The following KCTD18 variants were observed in gnomAD, a reference collection of about 807,000 sequenced individuals.
The protein encoded by KCTD18 is BTB/POZ domain-containing protein KCTD18.
In KCTD18, 22 loss-of-function variants were observed where a neutral mutation model predicts 30.4. The observed-to-expected ratio is 0.72, with a 90% CI of 0.52 to 1.03. The LOEUF (loss-of-function observed/expected upper bound fraction) is 1.03. KCTD18 is among the 50% of genes least tolerant of loss of function. The pLI, the probability that KCTD18 is intolerant of heterozygous loss-of-function variation, is 0.00. For synonymous variants in KCTD18, 186 were observed against 209.0 expected (o/e 0.89, Z 0.95); for missense variants, 529 against 547.6 (o/e 0.97, Z 0.34).
intron 3 of KCTD18, among the ~76,000 whole-genome samples, chr2:200,502,299 T>G (rs1050909903): frequency 6.6e-5 from 10 of 151,704 alleles, no homozygotes; most frequent in Admixed American, 6.6e-4. Context: ...AATAATAAAT[T>G]TAAAAAAAAG....
chr2:200,504,942 G>T lies in KCTD18; in HGVS notation c.178C>A (p.Arg60Ser), dbSNP rs146496679. 3.1e-6 allele frequency: 5 copies of T among 1,613,584 alleles called. No individual in the cohort carries two copies. In the South Asian group the frequency reaches 5.5e-5, roughly 18 times the overall value. ...TDESGACVID[R>S]DGRLFKYLLD... Reference sequence around the variant, plus strand: ...AGGTATTTAAATAGACGTCCATCACGGTCAATAACACAAGCCCCTAGAAAA... The same window carrying T: ...AGGTATTTAAATAGACGTCCATCACTGTCAATAACACAAGCCCCTAGAAAA... Residue 60 changes from arginine to serine, a missense_variant, in exon 3 of 7, where the codon CGT (arginine) becomes AGT (serine). By Grantham distance (110) the Arg-to-Ser change is moderately radical. Coordinates refer to ENST00000359878, the MANE Select transcript of KCTD18 (RefSeq NM_152387.4).
chr2:200,499,127 G>A, intron 3 of KCTD18, 43 bp from the exon 4 acceptor site: 4 of 1,417,764 alleles, frequency 2.8e-6, no homozygotes, highest in Non-Finnish European at 3.8e-6. Context: ...TAATTCTAGA[G>A]TAAAATAAAA....
intron 3 of KCTD18, among the ~76,000 whole-genome samples, chr2:200,500,812 C>T (rs1467382345): frequency 6.6e-6 from 1 of 152,006 alleles, no homozygotes; most frequent in Non-Finnish European, 1.5e-5. Context: ...AAAAAAGAGC[C>T]CGCATCGCCA....
chr2:200,504,705 A>C, intron 3 of KCTD18, 43 bp downstream of exon 3: 2 of 1,369,610 alleles, frequency 1.5e-6, no homozygotes, highest in Admixed American at 3.7e-5. Context: ...TGCTTTGTGC[A>C]TCATAAATAT....
At position 200,490,300 on chromosome 2, in the gene KCTD18, G is replaced by A; in HGVS notation, c.1081C>T (p.Pro361Ser). The A allele has an allele frequency of 6.2e-7, 1 of 1,614,262 alleles. No homozygotes were observed. Among genetic ancestry groups the A allele is most frequent in the Non-Finnish European group, 8.5e-7 (1 of 1,180,052 alleles). ...SAENGGTHLP[P>S]AKVLLSDKKP... is the part of the protein sequence containing the mutation. Reference sequence around the variant, plus strand: ...TTGTCGGAGAGTAGCACCTTAGCTGGAGGTAAGTGCGTGCCTCCATTTTCA... The same window carrying A: ...TTGTCGGAGAGTAGCACCTTAGCTGAAGGTAAGTGCGTGCCTCCATTTTCA... The change falls in exon 7 of 7, where the codon CCA (proline) becomes TCA (serine). Residue 361 changes from proline to serine, a missense_variant. Transcript: ENST00000359878.
intron 5 of KCTD18, among the ~76,000 whole-genome samples, chr2:200,495,450 TA>T (rs2087985025): frequency 1.3e-5 from 2 of 152,116 alleles, no homozygotes; most frequent in South Asian, 4.1e-4. Flanking sequence ...GTCCTTAAGA[TA>T]GATAAGATAG....
intron 5 of KCTD18, 63 bp downstream of exon 5, chr2:200,497,690 C>T: frequency 9.4e-7 from 1 of 1,068,224 alleles, no homozygotes; most frequent in Non-Finnish European, 1.5e-6. Context: ...AGTATTTGAG[C>T]TTACTTTGTC....
chr2:200,495,047 CT>C (rs11354501), intron 5 of KCTD18, among the ~76,000 whole-genome samples: 138,924 of 151,880 alleles, frequency 0.91, 64,192 homozygotes, highest in Non-Finnish European at 0.98. Flanking sequence ...TAAAAACTTT[CT>C]TTTTTTTTCC....
At chr2:200,506,450 A>G (rs773477136) in intron 2 of KCTD18, among the ~76,000 whole-genome samples, 4 of 152,222 alleles carry the variant, frequency 2.6e-5, no homozygotes, top group Non-Finnish European at 5.9e-5. Flanking sequence ...TAATTCTACA[A>G]TGACGATGGC....
chr2:200,507,362 C>G (rs977714895), intron 1 of KCTD18, among the ~76,000 whole-genome samples: 1 of 152,214 alleles, frequency 6.6e-6, no homozygotes, highest in Non-Finnish European at 1.5e-5. Context: ...CTCTGTCACA[C>G]AGCAAACAAA....
At chr2:200,501,583 T>C (rs1233397840) in intron 3 of KCTD18, among the ~76,000 whole-genome samples, 1 of 137,052 alleles carries the variant, frequency 7.3e-6, no homozygotes, top group Non-Finnish European at 1.6e-5. Flanking sequence ...AAAACCACCA[T>C]GAGATACCAT....
rs576873040 is a variant in KCTD18 at position 200,492,703 on chromosome 2, A to G, written c.764+469T>C. Among the ~76,000 whole-genome samples the G allele has an allele frequency of 8.5e-5, 13 of 152,388 alleles. No individual in the cohort carries two copies. The South Asian group carries it at 2.7e-3, about 32-fold the overall frequency. On this transcript the variant is annotated intron_variant, in intron 6 of 6. Coordinates refer to ENST00000359878, the MANE Select transcript of KCTD18 (RefSeq NM_152387.4). ...CAGTGAAAGACACAGCTGTGGAGTG[A>G]ATTTAATGCTAATAATTTCATGGAA... is the stretch of plus-strand genomic sequence containing the variant.
At chr2:200,494,696 T>C (rs2087971321) in intron 5 of KCTD18, among the ~76,000 whole-genome samples, 1 of 152,206 alleles carries the variant, frequency 6.6e-6, no homozygotes, top group South Asian at 2.1e-4. Flanking sequence ...GTCAGATTTA[T>C]TAAGATATAA....
At chr2:200,508,484 G>A (rs965175552) in intron 1 of KCTD18, among the ~76,000 whole-genome samples, 14 of 152,264 alleles carry the variant, frequency 9.2e-5, no homozygotes, top group African/African-American at 2.2e-4. Context: ...AAACAATACT[G>A]TGATGAAAAA....
rs771228916 is a variant in KCTD18 at position 200,490,203 on chromosome 2, G to C, written c.1178C>G (p.Ser393Cys). 6.2e-7 allele frequency: 1 copy of C among 1,614,086 alleles called. No individual in the cohort carries two copies. The highest frequency in any genetic ancestry group is 8.5e-7 in the Non-Finnish European group (1 of 1,179,902). ...PLCATAPCLP[S>C]PTATRQANSL... is the part of the protein sequence containing the mutation. ...GTTGGCCTGCCTCGTGGCCGTGGGG[G>C]AGGGCAGGCAAGGCGCGGTGGCGCA... The change falls in exon 7 of 7, where the codon TCC becomes TGC. Residue 393 changes from serine to cysteine, a missense_variant. By Grantham distance (112) the Ser-to-Cys change is moderately radical. Transcript: ENST00000359878.
intron 3 of KCTD18, among the ~76,000 whole-genome samples, chr2:200,503,035 GAA>G (rs1208626767): frequency 8.6e-5 from 5 of 58,150 alleles, no homozygotes; most frequent in African/African-American, 1.9e-4. Context: ...CATCTCAAAA[GAA>G]AAAAAAAAAA....
At chr2:200,494,827 T>C (rs1335518304) in intron 5 of KCTD18, among the ~76,000 whole-genome samples, 1 of 152,186 alleles carries the variant, frequency 6.6e-6, no homozygotes, top group African/African-American at 2.4e-5. Flanking sequence ...AAAAATTTCC[T>C]CATACCCCTT....
Position 200,490,314 on chromosome 2 carries a change from C to T in KCTD18, c.1067G>A (p.Gly356Asp), listed in dbSNP as rs1384057814. 1 of 1,614,242 alleles carries T rather than the reference C, an allele frequency of 6.2e-7. No homozygotes were observed. The highest frequency in any genetic ancestry group is 1.7e-5 in the Admixed American group (1 of 60,036). ...SPGAASAENG[G>D]THLPPAKVLL... ...CACCTTAGCTGGAGGTAAGTGCGTG[C>T]CTCCATTTTCAGCGCTCGCAGCCCC... The change falls in exon 7 of 7, where the codon GGC becomes GAC. Residue 356 changes from glycine (G) to aspartate (D), a missense_variant. Physicochemically the swap from Gly to Asp is moderately conservative, Grantham distance 94 (BLOSUM62 -1). Transcript: ENST00000359878.
At chr2:200,495,011 A>G (rs979167497) in intron 5 of KCTD18, among the ~76,000 whole-genome samples, 1 of 151,332 alleles carries the variant, frequency 6.6e-6, no homozygotes, top group Non-Finnish European at 1.5e-5. Flanking sequence ...GTAGTATTCC[A>G]CTGTATGGAT....
Sources: gnomAD v4.1 joint callset for allele counts (sites outside exome capture counted in the v4.1 genomes callset) on GRCh38, gnomAD v4.1.1 for gene constraint, MANE v1.5 for transcripts, NCBI Gene and HGNC (gene_info 2026-07-23, HGNC 2026-07-21) for gene names.